Variants in AOPEP observed in about 807,000 individuals in gnomAD.
AOPEP encodes the protein aminopeptidase O.
AOPEP carries 77 observed loss-of-function variants against 98.1 expected under a neutral mutation model. The ratio of observed to expected loss-of-function variants is 0.78; its 90% CI spans 0.65 to 0.95. The LOEUF (loss-of-function observed/expected upper bound fraction) is 0.95. Among genes scored for constraint, AOPEP ranks in the 40% least tolerant of loss-of-function variants. The pLI is 0.00. For synonymous variants in AOPEP, 346 were observed against 365.3 expected (o/e 0.95, Z 0.60); for missense variants, 1,024 against 1,024.7 (o/e 1.00, Z 0.01).
At chr9:95,018,165 T>G (rs2063161591) in intron 13 of AOPEP, among the ~76,000 whole-genome samples, 1 of 152,190 alleles carries the variant, frequency 6.6e-6, no homozygotes, top group Admixed American at 6.5e-5. Flanking sequence ...TTGAATGGCT[T>G]GGCTATATGG....
At chr9:95,084,162 A>G (rs545180593) in intron 16 of AOPEP, among the ~76,000 whole-genome samples, 3 of 152,236 alleles carry the variant, frequency 2.0e-5, no homozygotes, top group Non-Finnish European at 2.9e-5. Flanking sequence ...TAGCTTCTCT[A>G]TAATTTTTCA....
chr9:94,815,701 T>C (rs1020032939), intron 5 of AOPEP, among the ~76,000 whole-genome samples: 4 of 152,128 alleles, frequency 2.6e-5, no homozygotes, highest in African/African-American at 9.7e-5. Flanking sequence ...GCAGCAACCA[T>C]TGCCTGCACG....
chr9:95,125,323 A>T, the AOPEP span: 3 of 723,500 alleles, frequency 4.1e-6, no homozygotes, highest in African/African-American at 5.3e-5. Context: ...ATCAGATTTC[A>T]GTCCTTGTGT....
At chr9:95,075,950 C>T (rs2069015432) in intron 14 of AOPEP, among the ~76,000 whole-genome samples, 1 of 152,240 alleles carries the variant, frequency 6.6e-6, no homozygotes. Flanking sequence ...GGGATGGGGG[C>T]TCTCCCGCTC....
At chr9:94,774,175 G>C (rs867529192) in intron 3 of AOPEP, among the ~76,000 whole-genome samples, 2 of 151,932 alleles carry the variant, frequency 1.3e-5, no homozygotes, top group Admixed American at 6.5e-5. Flanking sequence ...AGCCGGGCGT[G>C]GGGGCGGTTG....
chr9:94,816,864 G>A (rs4744378), intron 5 of AOPEP, among the ~76,000 whole-genome samples: 48,742 of 152,072 alleles, frequency 0.32, 8,695 homozygotes, highest in Non-Finnish European at 0.42. Context: ...TTCCTGCAAC[G>A]GTCAAGGTTC....
intron 5 of AOPEP, among the ~76,000 whole-genome samples, chr9:94,856,061 A>G (rs955251816): frequency 2.0e-5 from 3 of 152,164 alleles, no homozygotes; most frequent in South Asian, 2.1e-4. Context: ...TTTTCCAGGC[A>G]TCAGCTCTAG....
At chr9:95,003,978 T>G (rs1487902767) in intron 11 of AOPEP, 1 of 254,144 alleles carries the variant, frequency 3.9e-6, no homozygotes, top group African/African-American at 2.3e-5. Flanking sequence ...TCCATTAAGC[T>G]CCTCTGTGTA....
intron 1 of AOPEP, among the ~76,000 whole-genome samples, chr9:94,736,689 A>G (rs1587960409): frequency 6.6e-6 from 1 of 152,226 alleles, no homozygotes; most frequent in African/African-American, 2.4e-5. Flanking sequence ...TTATTTTTAA[A>G]GGCTACATTA....
chr9:94,836,267 C>T (rs2041590975), intron 5 of AOPEP, among the ~76,000 whole-genome samples: 1 of 152,166 alleles, frequency 6.6e-6, no homozygotes, highest in Non-Finnish European at 1.5e-5. Flanking sequence ...ATTGCTGGAT[C>T]ATATGGTATG....
intron 3 of AOPEP, among the ~76,000 whole-genome samples, chr9:94,787,960 T>C (rs912083596): frequency 4.6e-5 from 7 of 152,184 alleles, no homozygotes; most frequent in Non-Finnish European, 1.0e-4. Flanking sequence ...GTAAGTAATT[T>C]AGCTGTCCTC....
intron 5 of AOPEP, among the ~76,000 whole-genome samples, chr9:94,854,639 C>T (rs1338549851): frequency 6.6e-6 from 1 of 152,170 alleles, no homozygotes; most frequent in Non-Finnish European, 1.5e-5. Flanking sequence ...AAACGACATC[C>T]AAATGCTAAA....
chr9:95,046,876 A>G (rs1181865346), intron 13 of AOPEP, among the ~76,000 whole-genome samples: 1 of 152,240 alleles, frequency 6.6e-6, no homozygotes, highest in Admixed American at 6.5e-5. Flanking sequence ...ACATATTAGC[A>G]TTTGAAAGTA....
chr9:94,848,823 C>T (rs1246467229), intron 5 of AOPEP, among the ~76,000 whole-genome samples: 2 of 152,256 alleles, frequency 1.3e-5, no homozygotes, highest in East Asian at 3.9e-4. Context: ...GAGTTTCGCC[C>T]TTGTCACCCA....
At chr9:94,868,830 C>T (rs1588627274) in intron 5 of AOPEP, among the ~76,000 whole-genome samples, 1 of 152,292 alleles carries the variant, frequency 6.6e-6, no homozygotes, top group East Asian at 1.9e-4. Context: ...TATTTTACTT[C>T]ATGTGTATTC....
chr9:95,035,863 C>T (rs1195557317), intron 13 of AOPEP, among the ~76,000 whole-genome samples: 1 of 151,858 alleles, frequency 6.6e-6, no homozygotes, highest in African/African-American at 2.4e-5. Flanking sequence ...TGTGGCCTTA[C>T]TTGCTTGTCA....
At chr9:94,862,418 CT>C (rs1174273871) in intron 5 of AOPEP, among the ~76,000 whole-genome samples, 1 of 152,054 alleles carries the variant, frequency 6.6e-6, no homozygotes, top group Admixed American at 6.6e-5. Flanking sequence ...TAAAGGGACT[CT>C]TTTTCAAGGC....
intron 13 of AOPEP, among the ~76,000 whole-genome samples, chr9:95,017,646 T>G (rs1461516804): frequency 1.3e-5 from 2 of 152,174 alleles, no homozygotes; most frequent in Admixed American, 6.5e-5. Context: ...CTTTCTTGAG[T>G]TATATGTCAT....
intron 5 of AOPEP, among the ~76,000 whole-genome samples, chr9:94,906,184 CA>C (rs1445514962): frequency 1.3e-5 from 2 of 151,010 alleles, no homozygotes; most frequent in African/African-American, 4.9e-5. Context: ...TCTGGCTGGG[CA>C]CAGTAGCTCA....
Sources: allele counts gnomAD v4.1 joint callset (sites outside exome capture counted in the v4.1 genomes callset), GRCh38; gene constraint gnomAD v4.1.1; transcripts MANE v1.5; gene names NCBI Gene and HGNC (gene_info 2026-07-23, HGNC 2026-07-21).